Variants in NCOA1 observed in about 807,000 individuals in gnomAD.
The protein encoded by NCOA1 is Hin-2 protein.
NCOA1 carries 35 observed loss-of-function variants against 150.9 expected under a neutral mutation model. The observed-to-expected ratio is 0.23, with a 90% CI of 0.18 to 0.31. NCOA1 has a LOEUF of 0.31. NCOA1 is among the 10% of genes least tolerant of loss of function. NCOA1 has a pLI of 1.00. For synonymous variants in NCOA1, 590 were observed against 630.0 expected, an observed-to-expected ratio of 0.94 and a Z score of 0.95; for missense variants, 1,491 against 1,749.3, an observed-to-expected ratio of 0.85 and a Z score of 2.63.
rs1558806617 is a variant in NCOA1, at chr2:24,576,173, T to TTTTTG, written c.-259-8299_-259-8298insGTTTT. Among the ~76,000 whole-genome samples, 21 of 40,934 alleles carry TTTTTG rather than the reference T, an allele frequency of 5.1e-4. 1 individual carries two copies. The highest frequency in any genetic ancestry group is 1.1e-3 in the Non-Finnish European group (16 of 14,208). The allele number at this position is 40,934 out of a possible 152,430, so 26.9% of individuals were successfully genotyped here. On this transcript the variant is annotated intron_variant, in intron 2 of 22. Transcript: ENST00000348332. ...TGTTTTTTTTTTTTTGTTTTTTGTT[T>TTTTTG]TTTTTTTTTTTTTTTTTTGTTTGCT...
intron 15 of NCOA1, among the ~76,000 whole-genome samples, chr2:24,727,875 G>A (rs568619284): frequency 6.6e-6 from 1 of 152,142 alleles, no homozygotes; most frequent in Admixed American, 6.5e-5. Context: ...AATATGTACT[G>A]TTTTGATTGT....
intron 11 of NCOA1, 56 bp downstream of exon 11, chr2:24,697,854 A>G: frequency 6.6e-7 from 1 of 1,504,660 alleles, no homozygotes; most frequent in Non-Finnish European, 9.1e-7. Flanking sequence ...TGATATTTGA[A>G]TAGTTCGTAT....
At chr2:24,544,718 G>A (rs1008248523) in intron 1 of NCOA1, among the ~76,000 whole-genome samples, 1 of 152,120 alleles carries the variant, frequency 6.6e-6, no homozygotes, top group Non-Finnish European at 1.5e-5. Context: ...CTCCCTGGGT[G>A]ACAGAATGAG....
chr2:24,692,637 A>G (rs1388713426), intron 9 of NCOA1, among the ~76,000 whole-genome samples: 1 of 152,238 alleles, frequency 6.6e-6, no homozygotes, highest in African/African-American at 2.4e-5. Flanking sequence ...TGCCACTTAT[A>G]TCTAACCAAA....
chr2:24,707,307 C>T lies in NCOA1; in HGVS notation c.1837C>T (p.Leu613=). The T allele has an allele frequency of 2.5e-6, 4 of 1,614,228 alleles. No homozygotes were observed. The highest frequency in any genetic ancestry group is 3.4e-6 in the Non-Finnish European group (4 of 1,180,032). Residue 613 remains leucine (L), a synonymous_variant, in exon 13 of 23, where the codon CTG becomes TTG. Transcript: ENST00000348332. The stretch of plus-strand genomic sequence containing the variant: ...TGGCAAACCTCTGGATTCAGGGCTT[C>T]TGCATAACAATGACAGACTTTCAGA... The part of the protein sequence containing the change: ...SDGKPLDSGL[L]HNNDRLSDGD...
intron 3 of NCOA1, among the ~76,000 whole-genome samples, chr2:24,588,303 G>A (rs1326119874): frequency 6.6e-6 from 1 of 152,138 alleles, no homozygotes; most frequent in East Asian, 1.9e-4. Flanking sequence ...GGCTGGTGTG[G>A]AACTCCCAGC....
At chr2:24,497,403 C>T (rs181580434) in intron 1 of NCOA1, among the ~76,000 whole-genome samples, 74 of 152,080 alleles carry the variant, frequency 4.9e-4, no homozygotes, top group African/African-American at 1.7e-3. Flanking sequence ...GTGGGCTGGG[C>T]GTGGTGGCTC....
intron 11 of NCOA1, among the ~76,000 whole-genome samples, chr2:24,698,001 A>G (rs1035161828): frequency 4.6e-5 from 7 of 152,106 alleles, no homozygotes; most frequent in African/African-American, 1.7e-4. Flanking sequence ...GAAGAATAGG[A>G]TGTTGTGTGG....
chr2:24,625,645 C>G (rs1028346924), intron 3 of NCOA1, among the ~76,000 whole-genome samples: 1 of 152,022 alleles, frequency 6.6e-6, no homozygotes, highest in South Asian at 2.1e-4. Context: ...AATCTTCTCC[C>G]TCCCCTCTAA....
chr2:24,576,033 C>A (rs1468970358), intron 2 of NCOA1, among the ~76,000 whole-genome samples: 2 of 151,972 alleles, frequency 1.3e-5, no homozygotes, highest in Non-Finnish European at 2.9e-5. Flanking sequence ...GAAGTTGATA[C>A]CCTTCTGAGG....
rs762401650 is a variant in NCOA1, at chr2:24,706,812, C to A, written c.1342C>A (p.Gln448Lys). Reference sequence around the variant, plus strand: ...AAGTTTCGGATGCTCACCCGGAAGTCAGATTGTAGCCAATGTTGCCTTAAA... The same window carrying A: ...AAGTTTCGGATGCTCACCCGGAAGTAAGATTGTAGCCAATGTTGCCTTAAA... ...QGSFGCSPGS[Q>K]IVANVALNQG... Residue 448 changes from glutamine (Q) to lysine (K), a missense_variant, in exon 13 of 23, where the codon CAG (glutamine) becomes AAG (lysine). Gln to Lys is a moderately conservative substitution (Grantham distance 53). Around this residue, in one of 8 missense-constraint regions of NCOA1, gnomAD observed 703 missense variants for 717.7 expected, o/e 0.98. Coordinates refer to ENST00000348332, the MANE Select transcript of NCOA1 (RefSeq NM_003743.5). 14 of 1,614,060 alleles carry A rather than the reference C, an allele frequency of 8.7e-6. No homozygotes were observed. Among genetic ancestry groups the A allele is most frequent in the Non-Finnish European group, 1.2e-5 (14 of 1,180,038 alleles).
chr2:24,724,486 C>T (rs1253933786), intron 14 of NCOA1, among the ~76,000 whole-genome samples: 1 of 152,134 alleles, frequency 6.6e-6, no homozygotes, highest in African/African-American at 2.4e-5. Context: ...TTCTTTTAAG[C>T]ATGCAGTCTA....
intron 2 of NCOA1, among the ~76,000 whole-genome samples, chr2:24,583,931 A>T (rs1394198216): frequency 6.6e-6 from 1 of 152,180 alleles, no homozygotes; most frequent in African/African-American, 2.4e-5. Context: ...GTTGGATAAC[A>T]GATACAAAAT....
chr2:24,678,554 T>C (rs1672023473), intron 7 of NCOA1, among the ~76,000 whole-genome samples: 1 of 152,172 alleles, frequency 6.6e-6, no homozygotes, highest in South Asian at 2.1e-4. Context: ...GCATCTATTG[T>C]TTTTTGACTT....
At chr2:24,552,333 ATATATATATATATATATATATTTTTTTTT>A in intron 1 of NCOA1, among the ~76,000 whole-genome samples, 1 of 10,426 alleles carries the variant, frequency 9.6e-5, no homozygotes, top group African/African-American at 2.9e-4. Context: ...ATATATATAT[ATATATATATATATATATATATTTTTTTTT>A]TTTTTTTTTT....
intron 3 of NCOA1, among the ~76,000 whole-genome samples, chr2:24,628,634 GA>G (rs1252770599): frequency 1.3e-5 from 2 of 152,146 alleles, no homozygotes; most frequent in African/African-American, 4.8e-5. Context: ...AGAAAACGTA[GA>G]AAATGCTATG....
intron 3 of NCOA1, among the ~76,000 whole-genome samples, chr2:24,642,341 T>TAA (rs1553441455): frequency 2.7e-4 from 40 of 148,096 alleles, no homozygotes; most frequent in East Asian, 7.8e-4. Context: ...ATATATTTTT[T>TAA]AAAATCTTTA....
chr2:24,606,726 T>A (rs1399882858), intron 3 of NCOA1, among the ~76,000 whole-genome samples: 1 of 152,228 alleles, frequency 6.6e-6, no homozygotes, highest in Non-Finnish European at 1.5e-5. Flanking sequence ...TCCCAAACTT[T>A]CCAGTTCATG....
At chr2:24,712,680 AC>A (rs1169223503) in intron 14 of NCOA1, among the ~76,000 whole-genome samples, 1 of 152,086 alleles carries the variant, frequency 6.6e-6, no homozygotes, top group East Asian at 1.9e-4. Flanking sequence ...GAAAAAAACT[AC>A]TAGAAATTTT....
Sources: gnomAD v4.1 joint callset for allele counts (sites outside exome capture counted in the v4.1 genomes callset) on GRCh38, gnomAD v4.1.1 for gene constraint, gnomAD v4.1.1 regional missense constraint, MANE v1.5 for transcripts, NCBI Gene and HGNC (gene_info 2026-07-23, HGNC 2026-07-21) for gene names.